Variants in LRCH1 observed in about 807,000 individuals in gnomAD.
LRCH1 encodes leucine-rich repeat and calponin homology domain-containing protein 1.
A neutral mutation model predicts 94.9 loss-of-function variants in LRCH1; 23 were observed. The observed-to-expected ratio is 0.24, with a 90% CI of 0.17 to 0.34. The LOEUF is 0.34. Among genes scored for constraint, LRCH1 ranks in the 10% least tolerant of loss-of-function variants. LRCH1 has a pLI of 1.00. For missense variants in LRCH1, 790 were observed against 945.9 expected, an observed-to-expected ratio of 0.84 and a Z score of 2.16; for synonymous variants, 364 against 354.9, an observed-to-expected ratio of 1.03 and a Z score of -0.29.
chr13:46,750,836 G>T, exon 19 of LRCH1: 1 of 465,462 alleles, frequency 2.1e-6, no homozygotes. Context: ...CCGACTTTAA[G>T]ACTTGACAGG....
intron 17 of LRCH1, among the ~76,000 whole-genome samples, chr13:46,727,925 T>TTTCTTTC (rs1566252906): frequency 7.9e-6 from 1 of 126,784 alleles, no homozygotes; most frequent in Admixed American, 7.8e-5. Flanking sequence ...TTCTTTCTTT[T>TTTCTTTC]TTTTTTTTTG....
chr13:46,577,541 C>CCTAT (rs779808986), intron 1 of LRCH1, among the ~76,000 whole-genome samples: 4 of 152,160 alleles, frequency 2.6e-5, no homozygotes, highest in Non-Finnish European at 5.9e-5. Flanking sequence ...ACAGGTCCTA[C>CCTAT]CTATACTCAA....
Position 46,723,294 on chromosome 13 carries a change from G to A in LRCH1, c.1833G>A (p.Met611Ile). Residue 611 changes from methionine to isoleucine, a missense_variant, in exon 17 of 20, where the codon ATG becomes ATA. This residue lies in a region of LRCH1 where 460 missense variants were observed against 508.9 expected (regional missense o/e 0.90). Coordinates refer to ENST00000389797, the MANE Select transcript of LRCH1 (RefSeq NM_001164211.2). ...QFTIRRKMEQ[M>I]REEKELVEQL... ...CAATCCGGAGGAAAATGGAGCAGATGAGAGAAGAGAAAGAGCTGGTGGAAC... is the reference window on the plus strand; with the variant it reads ...CAATCCGGAGGAAAATGGAGCAGATAAGAGAAGAGAAAGAGCTGGTGGAAC... The A allele has an allele frequency of 6.2e-7, 1 of 1,613,710 alleles. No individual in the cohort carries two copies. The highest frequency in any genetic ancestry group is 8.5e-7 in the Non-Finnish European group (1 of 1,179,624).
At chr13:46,658,854 A>G (rs1445680666) in intron 2 of LRCH1, among the ~76,000 whole-genome samples, 1 of 152,200 alleles carries the variant, frequency 6.6e-6, no homozygotes, top group African/African-American at 2.4e-5. Context: ...GTGTCAGAGA[A>G]TATTATCTGT....
At chr13:46,580,360 T>G (rs1197434983) in intron 1 of LRCH1, among the ~76,000 whole-genome samples, 1 of 152,168 alleles carries the variant, frequency 6.6e-6, no homozygotes, top group Non-Finnish European at 1.5e-5. Context: ...TAGAATCCTA[T>G]GTGTGATAAT....
At chr13:46,699,542 G>C in intron 10 of LRCH1, 139 bp downstream of exon 10, 1 of 738,450 alleles carries the variant, frequency 1.4e-6, no homozygotes, top group Non-Finnish European at 2.3e-6. Flanking sequence ...TTGATAAGAA[G>C]TTGCCAGTTT....
intron 18 of LRCH1, among the ~76,000 whole-genome samples, chr13:46,730,778 T>G (rs973619458): frequency 6.6e-6 from 1 of 152,212 alleles, no homozygotes; most frequent in East Asian, 1.9e-4. Context: ...CGTGCCAGAT[T>G]CTCAGTAATT....
At chr13:46,674,880 T>C (rs1593343478) in intron 3 of LRCH1, among the ~76,000 whole-genome samples, 1 of 152,232 alleles carries the variant, frequency 6.6e-6, no homozygotes, top group African/African-American at 2.4e-5. Context: ...AATACAGCAC[T>C]GTCTCTTCAC....
chr13:46,653,203 C>G (rs915001684), intron 2 of LRCH1, among the ~76,000 whole-genome samples: 2 of 152,192 alleles, frequency 1.3e-5, no homozygotes, highest in South Asian at 4.1e-4. Flanking sequence ...GGTTTACAGT[C>G]TGTAATTTTT....
intron 2 of LRCH1, among the ~76,000 whole-genome samples, chr13:46,656,400 A>T (rs758003004): frequency 2.0e-4 from 31 of 152,226 alleles, no homozygotes; most frequent in Admixed American, 1.8e-3. Flanking sequence ...GTTTTGTTCA[A>T]TTCGATAAAA....
At chr13:46,590,614 A>G (rs1485094434) in intron 1 of LRCH1, among the ~76,000 whole-genome samples, 1 of 152,192 alleles carries the variant, frequency 6.6e-6, no homozygotes, top group African/African-American at 2.4e-5. Context: ...GCAGTGAGCC[A>G]TGATTGCAGC....
chr13:46,647,380 T>A (rs2051235847), intron 1 of LRCH1, among the ~76,000 whole-genome samples: 1 of 152,192 alleles, frequency 6.6e-6, no homozygotes, highest in African/African-American at 2.4e-5. Context: ...GTGTGGTTGA[T>A]CCTTTTTTTC....
chr13:46,617,561 G>T (rs368244428), intron 1 of LRCH1, among the ~76,000 whole-genome samples: 5 of 152,326 alleles, frequency 3.3e-5, no homozygotes, highest in African/African-American at 9.6e-5. Flanking sequence ...CATGAACAAG[G>T]TTCTCGCAGG....
At chr13:46,616,045 T>C (rs924685546) in intron 1 of LRCH1, among the ~76,000 whole-genome samples, 19 of 152,228 alleles carry the variant, frequency 1.2e-4, no homozygotes, top group African/African-American at 4.6e-4. Context: ...TTCTTAGAAA[T>C]GTAAACATGG....
chr13:46,729,657 GTTAT>G (rs1363026951), intron 18 of LRCH1, among the ~76,000 whole-genome samples: 1 of 152,074 alleles, frequency 6.6e-6, no homozygotes, highest in Non-Finnish European at 1.5e-5. Flanking sequence ...TTTCCCAAGA[GTTAT>G]TTAAACAGTG....
intron 18 of LRCH1, 92 bp from the exon 19 acceptor site, chr13:46,733,829 C>G: frequency 1.4e-6 from 1 of 693,936 alleles, no homozygotes; most frequent in Non-Finnish European, 2.4e-6. Context: ...ACATGTATTG[C>G]TTGTGCCATT....
chr13:46,556,347 A>C (rs1460865211), intron 1 of LRCH1, among the ~76,000 whole-genome samples: 3 of 152,250 alleles, frequency 2.0e-5, no homozygotes, highest in African/African-American at 7.2e-5. Context: ...CTAAGCTGTC[A>C]CTCAAGTGCA....
At chr13:46,592,949 C>G (rs565584368) in intron 1 of LRCH1, among the ~76,000 whole-genome samples, 15 of 152,180 alleles carry the variant, frequency 9.9e-5, no homozygotes, top group African/African-American at 3.6e-4. Context: ...CCCTTACCAC[C>G]TGTCCTCCTA....
Position 46,670,970 on chromosome 13 carries a change from T to G in LRCH1, c.579+1814T>G, listed in dbSNP as rs931097061. On this transcript the variant is annotated intron_variant, in intron 3 of 19. Transcript: ENST00000389797. ...AATGGGGCTGGGCACACCCTCCTCATGCCCACTGCCTTAGATTTAGGCCAC... is the reference window on the plus strand; with the variant it reads ...AATGGGGCTGGGCACACCCTCCTCAGGCCCACTGCCTTAGATTTAGGCCAC... Among the ~76,000 whole-genome samples, 23 of 152,230 alleles carry G rather than the reference T, an allele frequency of 1.5e-4. 1 individual carries two copies.
Sources: gnomAD v4.1 joint callset for allele counts (sites outside exome capture counted in the v4.1 genomes callset) on GRCh38, gnomAD v4.1.1 for gene constraint, gnomAD v4.1.1 regional missense constraint, MANE v1.5 for transcripts, NCBI Gene and HGNC (gene_info 2026-07-23, HGNC 2026-07-21) for gene names.